The following SPATA6 variants were observed in gnomAD, a reference collection of about 807,000 sequenced individuals.
The protein encoded by SPATA6 is spermatogenesis associated 6.
Under a neutral mutation model 65.3 loss-of-function variants are expected in SPATA6, and 56 were observed. That is an observed-to-expected ratio of 0.86 (90% confidence interval 0.69 to 1.07). SPATA6 has a LOEUF of 1.07. SPATA6 is among the 50% of genes least tolerant of loss of function. The pLI is 0.00. For missense variants in SPATA6, 590 were observed against 594.8 expected (o/e 0.99, Z 0.08); for synonymous variants, 199 against 213.2 (o/e 0.93, Z 0.58).
At chr1:48,364,142 T>C (rs1237603473) in intron 9 of SPATA6, among the ~76,000 whole-genome samples, 1 of 152,244 alleles carries the variant, frequency 6.6e-6, no homozygotes, top group Admixed American at 6.5e-5. Flanking sequence ...CATCATTTTT[T>C]ATGGCTGCAT....
chr1:48,361,394 T>C (rs1388829249), intron 9 of SPATA6, among the ~76,000 whole-genome samples: 8 of 152,148 alleles, frequency 5.3e-5, no homozygotes, highest in Non-Finnish European at 1.2e-4. Flanking sequence ...GACAGACCTT[T>C]GGATGTTAGT....
At chr1:48,282,343 T>G in the SPATA6 span, among the ~76,000 whole-genome samples, 1 of 152,116 alleles carries the variant, frequency 6.6e-6, no homozygotes, top group Non-Finnish European at 1.5e-5. Context: ...TGGGATCTAA[T>G]TAAACTAAAG....
intron 4 of SPATA6, among the ~76,000 whole-genome samples, chr1:48,412,525 T>C (rs1324494177): frequency 2.0e-5 from 3 of 152,252 alleles, no homozygotes; most frequent in Admixed American, 6.5e-5. Context: ...TATGACAATC[T>C]TTCTGTATAT....
intron 7 of SPATA6, among the ~76,000 whole-genome samples, chr1:48,395,858 TA>T (rs960421476): frequency 1.1e-3 from 162 of 151,484 alleles, no homozygotes; most frequent in African/African-American, 3.7e-3. Context: ...TACAAATGTA[TA>T]AAAAAAATTC....
intron 3 of SPATA6, among the ~76,000 whole-genome samples, chr1:48,442,130 T>G (rs1309951789): frequency 9.2e-5 from 14 of 152,150 alleles, no homozygotes; most frequent in Admixed American, 9.2e-4. Context: ...TTGTGGAGAA[T>G]GGGATACAAA....
At chr1:48,290,995 A>T (rs1310666192), downstream of SPATA6, among the ~76,000 whole-genome samples, 3 of 152,162 alleles carry the variant, frequency 2.0e-5, no homozygotes, top group East Asian at 1.9e-4. Context: ...CACCAAGCAG[A>T]CCTAATAGAC....
chr1:48,437,593 C>T (rs1395643286), intron 3 of SPATA6, among the ~76,000 whole-genome samples: 13 of 152,186 alleles, frequency 8.5e-5, no homozygotes, highest in Non-Finnish European at 1.8e-4. Context: ...AGTACATCTT[C>T]TTCTCCCAGA....
intron 11 of SPATA6, among the ~76,000 whole-genome samples, chr1:48,307,629 A>T (rs947303040): frequency 1.3e-5 from 2 of 151,480 alleles, no homozygotes; most frequent in Non-Finnish European, 3.0e-5. Flanking sequence ...ATAATGTGAC[A>T]TATCTGGAAG....
intron 9 of SPATA6, among the ~76,000 whole-genome samples, chr1:48,370,683 C>T (rs1233851699): frequency 2.6e-5 from 4 of 152,208 alleles, no homozygotes; most frequent in Admixed American, 6.5e-5. Context: ...TAAATCCTCA[C>T]AACAACCTTA....
In SPATA6 at chr1:48,436,784, G is replaced by A. The variant is rs901758170; in HGVS notation, c.238+14768C>T. On this transcript the variant is annotated intron_variant, in intron 3 of 12. Coordinates refer to ENST00000371847, the MANE Select transcript of SPATA6 (RefSeq NM_019073.4). ...CAGGTGCCTTTCCAGGACATGCATA[G>A]AACTCAGATGCTGTTACAGAAACTG... The A allele has an allele frequency of 4.3e-6, 7 of 1,614,044 alleles. No individual in the cohort carries two copies. The Admixed American group carries it at 8.3e-5, about 19-fold the overall frequency.
intron 9 of SPATA6, among the ~76,000 whole-genome samples, chr1:48,381,507 ATAGT>A (rs1259686725): frequency 5.3e-5 from 8 of 152,208 alleles, no homozygotes; most frequent in East Asian, 1.9e-4. Context: ...TTCTTTTATC[ATAGT>A]TAAAGTATGG....
intron 3 of SPATA6, among the ~76,000 whole-genome samples, chr1:48,418,862 A>G (rs1049085890): frequency 2.0e-5 from 3 of 146,556 alleles, no homozygotes; most frequent in African/African-American, 5.1e-5. Flanking sequence ...AGGGGAGGGG[A>G]AGGAGAGGGA....
chr1:48,362,445 G>A (rs764533412), intron 9 of SPATA6, among the ~76,000 whole-genome samples: 54 of 152,024 alleles, frequency 3.6e-4, no homozygotes, highest in Non-Finnish European at 5.3e-4. Flanking sequence ...CCCCAAACTA[G>A]TCAGCATTGC....
chr1:48,417,755 C>A (rs189634314), intron 3 of SPATA6, among the ~76,000 whole-genome samples: 2 of 150,628 alleles, frequency 1.3e-5, no homozygotes, highest in African/African-American at 4.9e-5. Context: ...ACCTGGGAGA[C>A]GGAGGTTGCA....
intron 1 of SPATA6, among the ~76,000 whole-genome samples, chr1:48,461,894 C>T (rs377530631): frequency 1.3e-5 from 2 of 152,268 alleles, no homozygotes; most frequent in East Asian, 1.9e-4. Flanking sequence ...CACATGCACA[C>T]GTATGTTTAT....
At chr1:48,395,771 G>A (rs116153940) in intron 7 of SPATA6, among the ~76,000 whole-genome samples, 327 of 151,872 alleles carry the variant, frequency 2.2e-3, no homozygotes, top group African/African-American at 7.4e-3. Context: ...TGCTTTCAGA[G>A]CCCAGCATGC....
At chr1:48,425,717 A>G (rs992089892) in intron 3 of SPATA6, among the ~76,000 whole-genome samples, 2 of 152,204 alleles carry the variant, frequency 1.3e-5, no homozygotes, top group African/African-American at 4.8e-5. Flanking sequence ...AAGCAATGGG[A>G]ATAAGTCTTT....
At chr1:48,316,613 T>C (rs990255494) in intron 11 of SPATA6, among the ~76,000 whole-genome samples, 1 of 152,144 alleles carries the variant, frequency 6.6e-6, no homozygotes, top group African/African-American at 2.4e-5. Flanking sequence ...ATTCAGGACA[T>C]AGGCATGAGC....
chr1:48,281,624 C>A, the SPATA6 span, among the ~76,000 whole-genome samples: 313 of 151,392 alleles, frequency 2.1e-3, 8 homozygotes, highest in East Asian at 0.053. Context: ...ATCCAACTTA[C>A]AAGGGACGTG....
Sources: allele counts gnomAD v4.1 joint callset (sites outside exome capture counted in the v4.1 genomes callset), GRCh38; gene constraint gnomAD v4.1.1; transcripts MANE v1.5; gene names NCBI Gene and HGNC (gene_info 2026-07-23, HGNC 2026-07-21).